CSMD1: variants seen among roughly 807,000 people sequenced by gnomAD.
CSMD1 encodes CUB and sushi domain-containing protein 1.
Under a neutral mutation model 417.5 loss-of-function variants are expected in CSMD1, and 213 were observed. The observed-to-expected ratio is 0.51, with a 90% CI of 0.46 to 0.57. CSMD1 has a LOEUF of 0.57. Ranked by LOEUF, CSMD1 falls within the 20% of genes least tolerant of loss-of-function variation. The pLI is 0.00. For missense variants in CSMD1, 6,923 were observed against 4,529.7 expected (o/e 1.53, Z -15.17); for synonymous variants, 2,862 against 1,736.8 (o/e 1.65, Z -16.11).
At chr8:3,588,427 C>T (rs1234398783) in intron 8 of CSMD1, among the ~76,000 whole-genome samples, 1 of 152,008 alleles carries the variant, frequency 6.6e-6, no homozygotes, top group Non-Finnish European at 1.5e-5. Context: ...TCAATGATCC[C>T]CTTAACCTGA....
Position 4,428,048 on chromosome 8 carries a change from A to G in CSMD1, c.303-7983T>C, listed in dbSNP as rs140775289. Among the ~76,000 whole-genome samples, 35 of 152,322 alleles carry G rather than the reference A, an allele frequency of 2.3e-4. 1 individual carries two copies. The East Asian group carries it at 6.8e-3, about 29-fold the overall frequency. Reference sequence around the variant, plus strand: ...TTGAAGCCTTTCATTGCTATTGTTAAGACATGAAGGTTACATGTCTCGTTT... The same window carrying G: ...TTGAAGCCTTTCATTGCTATTGTTAGGACATGAAGGTTACATGTCTCGTTT... On this transcript the variant is annotated intron_variant, in intron 2 of 69. Transcript: ENST00000635120.
At chr8:4,545,205 T>C (rs1797576789) in intron 2 of CSMD1, among the ~76,000 whole-genome samples, 1 of 152,202 alleles carries the variant, frequency 6.6e-6, no homozygotes, top group African/African-American at 2.4e-5. Flanking sequence ...AACAATGGAA[T>C]TTGCATTTTC....
intron 3 of CSMD1, among the ~76,000 whole-genome samples, chr8:4,068,725 A>G (rs1430241178): frequency 6.6e-6 from 1 of 152,186 alleles, no homozygotes; most frequent in East Asian, 1.9e-4. Flanking sequence ...AGAAATAACT[A>G]TGCCTGCGCT....
chr8:4,096,575 G>C (rs1269663578), intron 3 of CSMD1, among the ~76,000 whole-genome samples: 2 of 152,082 alleles, frequency 1.3e-5, no homozygotes. Flanking sequence ...CGCCACTAAG[G>C]ATACCTTTTC....
At position 3,219,851 on chromosome 8, in the gene CSMD1, T is replaced by A. The variant is rs569158517; in HGVS notation, c.4485-409A>T. Among the ~76,000 whole-genome samples, 8 of 152,304 alleles carry A rather than the reference T, an allele frequency of 5.3e-5. No individual in the cohort carries two copies. In the East Asian group the frequency reaches 1.5e-3, roughly 29 times the overall value. On this transcript the variant is annotated intron_variant, in intron 28 of 69. Coordinates refer to ENST00000635120, the MANE Select transcript of CSMD1 (RefSeq NM_033225.6). ...TGAATATTTTTAGTTTTGAAAATAC[T>A]GGAATTTTGAAAATATTGCAATTTC...
intron 5 of CSMD1, among the ~76,000 whole-genome samples, chr8:3,923,358 C>T (rs996053585): frequency 2.0e-5 from 3 of 152,050 alleles, no homozygotes; most frequent in African/African-American, 7.2e-5. Flanking sequence ...ATTTTTTTCG[C>T]TTGTCCCCTT....
At chr8:4,196,173 T>A (rs947676091) in intron 3 of CSMD1, among the ~76,000 whole-genome samples, 1 of 152,078 alleles carries the variant, frequency 6.6e-6, no homozygotes, top group Admixed American at 6.5e-5. Flanking sequence ...ATCGCGCCAC[T>A]GCACTCCAGC....
intron 3 of CSMD1, among the ~76,000 whole-genome samples, chr8:4,401,755 C>A (rs968366800): frequency 1.3e-5 from 2 of 152,168 alleles, no homozygotes; most frequent in African/African-American, 4.8e-5. Context: ...GGCGTCCCCT[C>A]TCTTGAACAT....
At chr8:3,507,855 T>C (rs1186356897) in intron 10 of CSMD1, among the ~76,000 whole-genome samples, 4 of 151,912 alleles carry the variant, frequency 2.6e-5, no homozygotes, top group Non-Finnish European at 4.4e-5. Flanking sequence ...ATGGGGTTGT[T>C]TGTTTTTTTT....
chr8:3,709,817 G>C (rs1311119282), intron 6 of CSMD1, among the ~76,000 whole-genome samples: 3 of 149,340 alleles, frequency 2.0e-5, no homozygotes, highest in Non-Finnish European at 4.4e-5. Flanking sequence ...ATAATCATGT[G>C]AGTCAGTTCC....
At chr8:4,989,994 T>G (rs969901632) in intron 1 of CSMD1, among the ~76,000 whole-genome samples, 1 of 152,182 alleles carries the variant, frequency 6.6e-6, no homozygotes, top group Non-Finnish European at 1.5e-5. Flanking sequence ...GGCAGTCGTC[T>G]TACCAAGCAT....
intron 3 of CSMD1, among the ~76,000 whole-genome samples, chr8:4,138,080 TTTTTTTTG>T (rs1803545633): frequency 1.6e-5 from 1 of 61,674 alleles, no homozygotes; most frequent in African/African-American, 5.0e-5. Context: ...TTTTTTTTTT[TTTTTTTTG>T]TATTTTTTAG....
intron 25 of CSMD1, among the ~76,000 whole-genome samples, chr8:3,296,665 G>A (rs951263597): frequency 6.6e-6 from 1 of 152,164 alleles, no homozygotes; most frequent in Non-Finnish European, 1.5e-5. Context: ...CCAGGCACTG[G>A]TCAGGTCCTG....
At chr8:3,848,736 G>A (rs913725267) in intron 5 of CSMD1, among the ~76,000 whole-genome samples, 8 of 152,052 alleles carry the variant, frequency 5.3e-5, no homozygotes, top group Non-Finnish European at 1.0e-4. Flanking sequence ...TCTTTTAGGT[G>A]GTCCTGAACT....
chr8:4,686,644 T>C (rs1466040984), intron 1 of CSMD1, among the ~76,000 whole-genome samples: 1 of 152,190 alleles, frequency 6.6e-6, no homozygotes, highest in Non-Finnish European at 1.5e-5. Context: ...ATAAGTGAAA[T>C]ATACAAGTTG....
intron 1 of CSMD1, among the ~76,000 whole-genome samples, chr8:4,950,758 T>G (rs1331454696): frequency 1.3e-5 from 2 of 152,142 alleles, no homozygotes; most frequent in East Asian, 3.9e-4. Flanking sequence ...GCATTATTTA[T>G]AAGTGGCAGC....
chr8:4,351,913 A>C (rs991640483), intron 3 of CSMD1, among the ~76,000 whole-genome samples: 7 of 151,962 alleles, frequency 4.6e-5, no homozygotes, highest in Admixed American at 4.6e-4. Flanking sequence ...CAAACTGTAG[A>C]AACACTGACA....
intron 4 of CSMD1, among the ~76,000 whole-genome samples, chr8:4,013,057 T>A (rs1282018317): frequency 2.6e-5 from 4 of 152,192 alleles, no homozygotes; most frequent in African/African-American, 2.4e-5. Context: ...CAGCTTATGT[T>A]CTTTTCTCAT....
At chr8:3,986,903 C>T (rs1192818751) in intron 5 of CSMD1, among the ~76,000 whole-genome samples, 5 of 151,966 alleles carry the variant, frequency 3.3e-5, no homozygotes, top group South Asian at 2.1e-4. Flanking sequence ...TGCAGGTGCA[C>T]GCCACCATGC....
Sources: allele counts gnomAD v4.1 joint callset (sites outside exome capture counted in the v4.1 genomes callset), GRCh38; gene constraint gnomAD v4.1.1; transcripts MANE v1.5; gene names NCBI Gene and HGNC (gene_info 2026-07-23, HGNC 2026-07-21).